HERC1: variants seen among roughly 807,000 people sequenced by gnomAD.
HERC1 encodes the protein probable E3 ubiquitin-protein ligase HERC1.
A neutral mutation model predicts 554.3 loss-of-function variants in HERC1; 160 were observed. The observed-to-expected ratio is 0.29, with a 90% CI of 0.25 to 0.33. The LOEUF (loss-of-function observed/expected upper bound fraction) is 0.33, where lower values mean the gene tolerates loss of function less well. HERC1 is among the 10% of genes least tolerant of loss of function. The pLI is 1.00. For missense variants in HERC1, 4,919 were observed against 5,918.5 expected, an observed-to-expected ratio of 0.83 and a Z score of 5.54; for synonymous variants, 2,175 against 2,131.7, an observed-to-expected ratio of 1.02 and a Z score of -0.56.
chr15:63,774,894 G>A lies in HERC1; in HGVS notation c.730C>T (p.Arg244Cys). Residue 244 changes from arginine (R) to cysteine (C), a missense_variant, in exon 2 of 78, where the codon CGT becomes TGT. Around this residue, in one of 11 missense-constraint regions of HERC1, gnomAD observed 744 missense variants for 1,090.0 expected, o/e 0.68. Coordinates refer to ENST00000443617, the MANE Select transcript of HERC1 (RefSeq NM_003922.4). The stretch of plus-strand genomic sequence containing the variant: ...AGCAGCAACTCAGAAGCTAATCTAC[G>A]ACCTAAAGTGTCTGCCCCAGAATTA... ...IPNSGADTLG[R>C]RLASELLLGL... 4 of 1,613,954 alleles carry A rather than the reference G, an allele frequency of 2.5e-6. No individual in the cohort carries two copies. Among genetic ancestry groups the A allele is most frequent in the Non-Finnish European group, 3.4e-6 (4 of 1,179,880 alleles).
chr15:63,755,648 C>T (rs1337054328), intron 5 of HERC1, among the ~76,000 whole-genome samples: 4 of 152,008 alleles, frequency 2.6e-5, no homozygotes, highest in Admixed American at 6.6e-5. Context: ...GGCATGGTGG[C>T]GCATGTCTAT....
At chr15:63,647,849 G>A (rs11071760) in intron 55 of HERC1, among the ~76,000 whole-genome samples, 7 of 152,176 alleles carry the variant, frequency 4.6e-5, no homozygotes, top group Non-Finnish European at 7.4e-5. Flanking sequence ...GGGAACTCAC[G>A]TGTACACACG....
At chr15:63,736,297 T>C (rs1179169757) in intron 12 of HERC1, among the ~76,000 whole-genome samples, 6 of 152,224 alleles carry the variant, frequency 3.9e-5, no homozygotes, top group Middle Eastern at 3.2e-3. Flanking sequence ...ATAGGCACAG[T>C]TGAAGGCAGG....
At chr15:63,615,387 T>C (rs1286464374) in intron 76 of HERC1, among the ~76,000 whole-genome samples, 1 of 152,148 alleles carries the variant, frequency 6.6e-6, no homozygotes, top group Non-Finnish European at 1.5e-5. Context: ...GGCAGGTGGA[T>C]CACTTGAGGC....
chr15:63,774,612 T>C, intron 2 of HERC1, 82 bp downstream of exon 2: 2 of 995,806 alleles, frequency 2.0e-6, no homozygotes, highest in Admixed American at 5.7e-5. Flanking sequence ...AATCATTCAC[T>C]ATTACCACCA....
chr15:63,705,936 A>G (rs2072978560), intron 25 of HERC1, among the ~76,000 whole-genome samples: 1 of 145,262 alleles, frequency 6.9e-6, no homozygotes. Flanking sequence ...AGGCTGGAGT[A>G]GGAGGATCCC....
At chr15:63,741,064 T>C (rs796843828) in intron 12 of HERC1, among the ~76,000 whole-genome samples, 9 of 152,268 alleles carry the variant, frequency 5.9e-5, no homozygotes, top group African/African-American at 2.2e-4. Context: ...ACTCTTGCCC[T>C]GTCGCCCAGG....
intron 1 of HERC1, among the ~76,000 whole-genome samples, chr15:63,804,623 T>TA (rs1248740140): frequency 6.7e-6 from 1 of 149,496 alleles, no homozygotes; most frequent in East Asian, 1.9e-4. Flanking sequence ...TGAAAAGACT[T>TA]AGATATGATG....
intron 26 of HERC1, among the ~76,000 whole-genome samples, chr15:63,698,115 G>A (rs1249517188): frequency 6.6e-6 from 1 of 151,976 alleles, no homozygotes; most frequent in African/African-American, 2.4e-5. Flanking sequence ...AGACAAATGG[G>A]TCAAAAATGA....
intron 12 of HERC1, among the ~76,000 whole-genome samples, chr15:63,738,962 C>G (rs1282036527): frequency 7.1e-6 from 1 of 140,864 alleles, no homozygotes; most frequent in Non-Finnish European, 1.5e-5. Flanking sequence ...ATATGTCCCT[C>G]TACTTGAAAA....
chr15:63,715,677 T>A (rs1322311631), intron 22 of HERC1, among the ~76,000 whole-genome samples: 2 of 152,188 alleles, frequency 1.3e-5, no homozygotes, highest in Non-Finnish European at 2.9e-5. Context: ...TAACTGGAAA[T>A]AGCCAAATCA....
At position 63,774,849 on chromosome 15, in the gene HERC1, C is replaced by G. The variant is rs1567113083; in HGVS notation, c.775G>C (p.Gly259Arg). ...ELLLGLAAQR[G>R]SLRYLLEWIE... Reference sequence around the variant, plus strand: ...CATTCAAGAAGATATCGCAATGAGCCTCGTTGAGCTGCCAAACCAAGCAGC... The same window carrying G: ...CATTCAAGAAGATATCGCAATGAGCGTCGTTGAGCTGCCAAACCAAGCAGC... The change falls in exon 2 of 78, where the codon GGC becomes CGC. Residue 259 changes from glycine to arginine, a missense_variant. Transcript: ENST00000443617. 1.9e-6 allele frequency: 3 copies of G among 1,614,000 alleles called. No homozygotes were observed. The highest frequency in any genetic ancestry group is 1.7e-6 in the Non-Finnish European group (2 of 1,179,892).
At chr15:63,652,658 C>T (rs1461419471) in intron 51 of HERC1, 117 bp from the exon 52 acceptor site, 9 of 847,298 alleles carry the variant, frequency 1.1e-5, no homozygotes, top group Non-Finnish European at 1.6e-5. Flanking sequence ...AGCATCCATT[C>T]CTTTCTTTTC....
Position 63,628,689 on chromosome 15 carries a change from G to C in HERC1, c.13093C>G (p.Pro4365Ala). Reference sequence around the variant, plus strand: ...TTTCATTCCTCACCTGGTGCTCTTGGTGGGACAGGTGGTGCTGTCCATGCA... The same window carrying C: ...TTTCATTCCTCACCTGGTGCTCTTGCTGGGACAGGTGGTGCTGTCCATGCA... Reference protein sequence around the residue: ...SAAWTAPPVPPRAPGVSVPLQ... With the variant: ...SAAWTAPPVPARAPGVSVPLQ... Residue 4365 changes from proline to alanine, a missense_variant, in exon 70 of 78, where the codon CCA (proline) becomes GCA (alanine). Around this residue, in one of 11 missense-constraint regions of HERC1, gnomAD observed 410 missense variants for 467.0 expected, o/e 0.88. Coordinates refer to ENST00000443617, the MANE Select transcript of HERC1 (RefSeq NM_003922.4). 1 of 1,609,028 alleles carries C rather than the reference G, an allele frequency of 6.2e-7. No individual in the cohort carries two copies. The highest frequency in any genetic ancestry group is 2.2e-5 in the East Asian group (1 of 44,842).
chr15:63,638,281 C>T, intron 63 of HERC1, 130 bp downstream of exon 63: 1 of 964,920 alleles, frequency 1.0e-6, no homozygotes, highest in Non-Finnish European at 1.5e-6. Context: ...AGCTATATAT[C>T]ATGACTTTCT....
intron 45 of HERC1, 38 bp downstream of exon 45, chr15:63,661,715 C>A: frequency 6.2e-7 from 1 of 1,601,840 alleles, no homozygotes; most frequent in Non-Finnish European, 8.5e-7. Context: ...TATGAGGTAT[C>A]TTCAGGAGGT....
rs758620080 is a variant in HERC1, at chr15:63,678,232, C to T, written c.6683G>A (p.Arg2228His). ...TTTTTTGTTAATGCAGTAAGTCCAA[C>T]GGTCTGTTCGGTGAAGGATACGGAT... ...QLIRILHRTD[R>H]WTYCINKKMM... Residue 2228 changes from arginine to histidine, a missense_variant, in exon 37 of 78, where the codon CGT becomes CAT. By Grantham distance (29) the Arg-to-His change is conservative. Coordinates refer to ENST00000443617, the MANE Select transcript of HERC1 (RefSeq NM_003922.4). The T allele has an allele frequency of 4.4e-5, 71 of 1,613,554 alleles. No homozygotes were observed. The highest frequency in any genetic ancestry group is 1.6e-4 in the Middle Eastern group (1 of 6,084).
intron 1 of HERC1, among the ~76,000 whole-genome samples, chr15:63,826,799 AAAAAAAAAAAAAAAAATATAT>A (rs959591576): frequency 1.3e-5 from 1 of 79,578 alleles, no homozygotes; most frequent in African/African-American, 5.5e-5. Context: ...AAAAAAAAAA[AAAAAAAAAAAAAAAAATATAT>A]ATATATATAT....
chr15:63,659,842 C>T lies in HERC1; in HGVS notation c.9318G>A (p.Arg3106=). The T allele has an allele frequency of 6.2e-7, 1 of 1,613,854 alleles. No individual in the cohort carries two copies. The change falls in exon 47 of 78, where the codon CGG becomes CGA. Residue 3106 remains arginine, a synonymous_variant. Coordinates refer to ENST00000443617, the MANE Select transcript of HERC1 (RefSeq NM_003922.4). ...LLAGPLGLND[R]RIVPEPVQFP... Reference sequence around the variant, plus strand: ...ACTGAACTGGTTCTGGTACAATGCGCCGGTCATTTAAACCAAGCGGTCCAG... The same window carrying T: ...ACTGAACTGGTTCTGGTACAATGCGTCGGTCATTTAAACCAAGCGGTCCAG...
Sources: allele counts gnomAD v4.1 joint callset (sites outside exome capture counted in the v4.1 genomes callset), GRCh38; gene constraint gnomAD v4.1.1; regional missense constraint gnomAD v4.1.1; transcripts MANE v1.5; gene names NCBI Gene and HGNC (gene_info 2026-07-23, HGNC 2026-07-21).